The following THRB variants were observed in gnomAD, a reference collection of about 807,000 sequenced individuals.
THRB encodes the protein nuclear receptor subfamily 1 group A member 2.
THRB carries 12 observed loss-of-function variants against 47.8 expected under a neutral mutation model. That is an observed-to-expected ratio of 0.25 (90% confidence interval 0.16 to 0.41). The LOEUF (loss-of-function observed/expected upper bound fraction) is 0.41, where lower values mean the gene tolerates loss of function less well. THRB is among the 10% of genes least tolerant of loss of function. The pLI, the probability that THRB is intolerant of heterozygous loss-of-function variation, is 1.00. For synonymous variants in THRB, 218 were observed against 212.2 expected, an observed-to-expected ratio of 1.03 and a Z score of -0.24; for missense variants, 348 against 589.2, an observed-to-expected ratio of 0.59 and a Z score of 4.24.
At chr3:24,128,555 T>C (rs2033294437) in intron 9 of THRB, among the ~76,000 whole-genome samples, 1 of 152,230 alleles carries the variant, frequency 6.6e-6, no homozygotes, top group Admixed American at 6.5e-5. Context: ...TTTTATTTTC[T>C]GGAAGGGGAG....
At chr3:24,230,211 A>G (rs1263639143) in intron 3 of THRB, among the ~76,000 whole-genome samples, 2 of 152,182 alleles carry the variant, frequency 1.3e-5, no homozygotes, top group Admixed American at 6.5e-5. Flanking sequence ...AATGACTTCA[A>G]ACCTTGATCA....
chr3:24,456,094 C>T (rs62228828), intron 1 of THRB, among the ~76,000 whole-genome samples: 1 of 151,948 alleles, frequency 6.6e-6, no homozygotes. Context: ...TTTGGGAGGC[C>T]AAGGCAGGAG....
At chr3:24,214,543 C>G (rs762864109) in intron 4 of THRB, among the ~76,000 whole-genome samples, 20 of 152,220 alleles carry the variant, frequency 1.3e-4, no homozygotes, top group Non-Finnish European at 2.9e-4. Flanking sequence ...GTGCCGGTTT[C>G]CTCAGGCAAA....
chr3:24,135,211 T>C (rs1257464659), intron 8 of THRB, among the ~76,000 whole-genome samples: 1 of 152,164 alleles, frequency 6.6e-6, no homozygotes, highest in Non-Finnish European at 1.5e-5. Flanking sequence ...ACTGCTCACA[T>C]CACATTTTTA....
chr3:24,127,830 A>C, intron 9 of THRB, 73 bp from the exon 10 acceptor site: 4 of 1,506,916 alleles, frequency 2.7e-6, no homozygotes, highest in Non-Finnish European at 3.7e-6. Flanking sequence ...ACAGTATCTT[A>C]AAAGCAATAG....
chr3:24,293,322 C>T (rs931199197), intron 3 of THRB, among the ~76,000 whole-genome samples: 5 of 152,094 alleles, frequency 3.3e-5, no homozygotes, highest in Non-Finnish European at 4.4e-5. Flanking sequence ...CTAGGCTGTG[C>T]CCCTAGCAAG....
intron 3 of THRB, among the ~76,000 whole-genome samples, chr3:24,256,077 A>C (rs2051248916): frequency 6.6e-6 from 1 of 152,190 alleles, no homozygotes; most frequent in Admixed American, 6.5e-5. Context: ...AGAGAGTCTG[A>C]GGATCAAGTG....
At chr3:24,312,467 G>C (rs1559899570) in intron 2 of THRB, among the ~76,000 whole-genome samples, 1 of 152,178 alleles carries the variant, frequency 6.6e-6, no homozygotes, top group African/African-American at 2.4e-5. Flanking sequence ...GCTGGTGAAA[G>C]AGCTAAGTTT....
Position 24,442,036 on chromosome 3 carries a change from AT to A in THRB, c.-261+52615del, listed in dbSNP as rs997587210. ...GATTAACTGTAACTTTGTGGGCTAA[AT>A]TTTTTTTTTCTTTAAATACCTGTAG... On this transcript the variant is annotated intron_variant, in intron 1 of 10. Coordinates refer to ENST00000646209, the MANE Select transcript of THRB (RefSeq NM_001354712.2). Among the ~76,000 whole-genome samples the A allele has an allele frequency of 4.9e-3, 736 of 150,938 alleles. 6 individuals carry two copies. The highest frequency in any genetic ancestry group is 0.017 in the African/African-American group (694 of 41,184).
intron 5 of THRB, among the ~76,000 whole-genome samples, chr3:24,165,827 G>A (rs968659519): frequency 9.2e-5 from 14 of 152,114 alleles, no homozygotes; most frequent in African/African-American, 3.4e-4. Flanking sequence ...CATTTTGGTT[G>A]ACAGCTTAAG....
chr3:24,492,529 T>C (rs1698312416), intron 1 of THRB, among the ~76,000 whole-genome samples: 2 of 152,064 alleles, frequency 1.3e-5, no homozygotes, highest in South Asian at 2.1e-4. Flanking sequence ...CTGATTTCCA[T>C]CAAAAAGATG....
intron 5 of THRB, among the ~76,000 whole-genome samples, chr3:24,166,552 CT>C (rs1292832752): frequency 3.3e-5 from 5 of 152,120 alleles, no homozygotes; most frequent in Non-Finnish European, 7.4e-5. Context: ...ATTGTGAATG[CT>C]TGCTAGGATG....
intron 3 of THRB, 82 bp downstream of exon 3, chr3:24,297,144 G>C (rs2056516776): frequency 6.6e-6 from 1 of 152,108 alleles, no homozygotes; most frequent in African/African-American, 2.4e-5. Flanking sequence ...TGTAAGTGAT[G>C]AGTGAGTAAT....
At chr3:24,133,524 G>A in intron 8 of THRB, 62 bp from the exon 9 acceptor site, 1 of 1,481,682 alleles carries the variant, frequency 6.7e-7, no homozygotes, top group Non-Finnish European at 9.4e-7. Context: ...ATTTATCATA[G>A]TTCTTATGTG....
At chr3:24,419,585 T>C (rs1223919378) in intron 1 of THRB, among the ~76,000 whole-genome samples, 2 of 151,922 alleles carry the variant, frequency 1.3e-5, no homozygotes, top group Non-Finnish European at 2.9e-5. Context: ...AAGTTAAAAA[T>C]AGAATTCAGT....
At chr3:24,153,339 C>T (rs2037315154) in intron 5 of THRB, among the ~76,000 whole-genome samples, 2 of 152,122 alleles carry the variant, frequency 1.3e-5, no homozygotes, top group Admixed American at 1.3e-4. Flanking sequence ...AATTTCTAGC[C>T]CTCCAGTGTA....
intron 4 of THRB, among the ~76,000 whole-genome samples, chr3:24,215,505 G>T (rs1438917041): frequency 1.3e-5 from 2 of 152,220 alleles, no homozygotes; most frequent in African/African-American, 2.4e-5. Context: ...GTCTAGAGAT[G>T]TTGGTAAAAC....
intron 3 of THRB, among the ~76,000 whole-genome samples, chr3:24,244,409 ACCTT>A (rs1294165390): frequency 1.3e-5 from 2 of 152,096 alleles, no homozygotes; most frequent in South Asian, 2.1e-4. Flanking sequence ...GTGAGAGAGA[ACCTT>A]CCTTATCTCT....
At chr3:24,447,816 G>A (rs974733758) in intron 1 of THRB, among the ~76,000 whole-genome samples, 9 of 151,844 alleles carry the variant, frequency 5.9e-5, no homozygotes, top group Non-Finnish European at 1.2e-4. Flanking sequence ...GGGGAATGAA[G>A]GTTTCATAAT....
Sources: allele counts gnomAD v4.1 joint callset (sites outside exome capture counted in the v4.1 genomes callset), GRCh38; gene constraint gnomAD v4.1.1; transcripts MANE v1.5; gene names NCBI Gene and HGNC (gene_info 2026-07-23, HGNC 2026-07-21).